ASPH: variants seen among roughly 807,000 people sequenced by gnomAD.
ASPH encodes aspartate beta-hydroxylase.
ASPH carries 100 observed loss-of-function variants against 118.4 expected under a neutral mutation model. The ratio of observed to expected loss-of-function variants is 0.84; its 90% CI spans 0.72 to 1.00. The LOEUF (loss-of-function observed/expected upper bound fraction) is 1.00, where lower values mean the gene tolerates loss of function less well. Among genes scored for constraint, ASPH ranks in the 50% least tolerant of loss-of-function variants. The pLI is 0.00. For missense variants in ASPH, 920 were observed against 919.5 expected, an observed-to-expected ratio of 1.00 and a Z score of -0.01; for synonymous variants, 315 against 325.6, an observed-to-expected ratio of 0.97 and a Z score of 0.35.
intron 10 of ASPH, among the ~76,000 whole-genome samples, chr8:61,640,561 T>A (rs1804656856): frequency 6.6e-6 from 1 of 152,246 alleles, no homozygotes; most frequent in Non-Finnish European, 1.5e-5. Flanking sequence ...AGGTAAGGTC[T>A]CTTGATTACA....
intron 14 of ASPH, among the ~76,000 whole-genome samples, chr8:61,587,963 A>G (rs192211193): frequency 2.0e-5 from 3 of 152,104 alleles, no homozygotes; most frequent in Admixed American, 1.3e-4. Flanking sequence ...TTTCTTACCC[A>G]TGGGTAAGAA....
At chr8:61,644,513 C>T in intron 7 of ASPH, 87 bp downstream of exon 7, 1 of 854,334 alleles carries the variant, frequency 1.2e-6, no homozygotes, top group Admixed American at 3.3e-5. Flanking sequence ...TTAAATATAT[C>T]ATTAATAATA....
chr8:61,687,343 C>T (rs1217422532), intron 1 of ASPH: 2 of 152,030 alleles, frequency 1.3e-5, no homozygotes, highest in Non-Finnish European at 2.9e-5. Flanking sequence ...ATGCATGCAC[C>T]AAAACAGCAA....
chr8:61,659,661 G>A (rs909143132), intron 3 of ASPH: 3 of 152,208 alleles, frequency 2.0e-5, no homozygotes, highest in African/African-American at 7.2e-5. Context: ...TAGGCAAATG[G>A]AGAAGAAAGG....
chr8:61,577,707 G>T (rs1390487749), intron 15 of ASPH, among the ~76,000 whole-genome samples: 1 of 152,190 alleles, frequency 6.6e-6, no homozygotes, highest in Non-Finnish European at 1.5e-5. Context: ...AGAGTGAGGA[G>T]CGAAGGGGGA....
intron 14 of ASPH, among the ~76,000 whole-genome samples, chr8:61,586,647 A>G (rs1839548512): frequency 6.6e-6 from 1 of 152,150 alleles, no homozygotes; most frequent in South Asian, 2.1e-4. Context: ...AACTACACGG[A>G]GAAGACCACT....
At chr8:61,631,555 T>C (rs574839045) in intron 13 of ASPH, 2 of 152,224 alleles carry the variant, frequency 1.3e-5, no homozygotes, top group Non-Finnish European at 2.9e-5. Context: ...CCTAGATGTG[T>C]AGTAGGCTAC....
intron 24 of ASPH, among the ~76,000 whole-genome samples, chr8:61,504,167 G>A (rs192271447): frequency 1.1e-4 from 17 of 152,242 alleles, no homozygotes; most frequent in East Asian, 5.8e-4. Context: ...TAGGGACTGC[G>A]ATCTAAATAT....
At chr8:61,513,129 T>A (rs1380387113) in intron 24 of ASPH, among the ~76,000 whole-genome samples, 1 of 152,214 alleles carries the variant, frequency 6.6e-6, no homozygotes, top group African/African-American at 2.4e-5. Flanking sequence ...AAGAACAATG[T>A]ACAAATTGCT....
intron 14 of ASPH, among the ~76,000 whole-genome samples, chr8:61,618,162 A>G (rs972038691): frequency 6.6e-6 from 1 of 152,168 alleles, no homozygotes; most frequent in African/African-American, 2.4e-5. Context: ...GTGAAATTAC[A>G]GCCAGAGGCC....
intron 14 of ASPH, among the ~76,000 whole-genome samples, chr8:61,618,313 A>G (rs1003167237): frequency 2.0e-5 from 3 of 152,206 alleles, no homozygotes; most frequent in African/African-American, 4.8e-5. Context: ...ATAATATTCA[A>G]TTATTAAAGA....
chr8:61,662,169 A>G (rs773137753), intron 3 of ASPH, among the ~76,000 whole-genome samples: 10 of 152,176 alleles, frequency 6.6e-5, no homozygotes, highest in Non-Finnish European at 1.5e-4. Context: ...TATTTTCACA[A>G]AATTGACTAT....
chr8:61,509,005 C>T lies in ASPH; in HGVS notation c.2127-5496G>A, dbSNP rs527933585. The stretch of plus-strand genomic sequence containing the variant: ...CAAAACGTAAAACTGCATTGTCACA[C>T]TTCTTCTTCTCTCTCTCCCCTTCTA... On this transcript the variant is annotated intron_variant, in intron 24 of 24. Coordinates refer to ENST00000379454, the MANE Select transcript of ASPH (RefSeq NM_004318.4). 2.4e-5 allele frequency among the ~76,000 whole-genome samples: 3 copies of T among 126,436 alleles called. No homozygotes were observed. The South Asian group carries it at 6.9e-4, about 29-fold the overall frequency. 82.9% of individuals were successfully genotyped at this position (126,436 alleles called of 152,430 possible).
intron 14 of ASPH, among the ~76,000 whole-genome samples, chr8:61,611,394 A>G (rs911331246): frequency 1.1e-4 from 16 of 152,324 alleles, no homozygotes; most frequent in Non-Finnish European, 1.9e-4. Context: ...TCATTTCTGC[A>G]ATATTCTTTC....
intron 21 of ASPH, among the ~76,000 whole-genome samples, chr8:61,528,578 G>A (rs1054106830): frequency 1.4e-5 from 2 of 147,358 alleles, no homozygotes; most frequent in African/African-American, 2.5e-5. Flanking sequence ...TGATTTAGGG[G>A]CATGGTTGGA....
In ASPH at chr8:61,663,693, G is replaced by A; in HGVS notation, c.323-10033C>T. On this transcript the variant is annotated intron_variant, in intron 3 of 24. Transcript: ENST00000379454. Reference sequence around the variant, plus strand: ...CAAAACATAAAACTCGAAGTTATCAGGTTACAATATCTTCAGGCCTTAATT... The same window carrying A: ...CAAAACATAAAACTCGAAGTTATCAAGTTACAATATCTTCAGGCCTTAATT... The A allele has an allele frequency of 4.1e-6, 4 of 979,760 alleles. No individual in the cohort carries two copies. The South Asian group carries it at 1.4e-4, about 35-fold the overall frequency. 60.7% of individuals were successfully genotyped at this position (979,760 alleles called of 1,614,324 possible).
At chr8:61,624,415 C>T in intron 13 of ASPH, 1 of 985,120 alleles carries the variant, frequency 1.0e-6, no homozygotes, top group South Asian at 4.7e-5. Flanking sequence ...GAAGGTATTC[C>T]TTTGTGATTT....
intron 1 of ASPH, among the ~76,000 whole-genome samples, chr8:61,700,486 A>T (rs1834976184): frequency 6.6e-6 from 1 of 152,246 alleles, no homozygotes; most frequent in South Asian, 2.1e-4. Context: ...GAGCAAACAG[A>T]TTAATCTATC....
intron 15 of ASPH, chr8:61,578,083 TA>T: frequency 1.0e-6 from 1 of 965,742 alleles, no homozygotes; most frequent in Non-Finnish European, 1.5e-6. Context: ...CAGTTACTTC[TA>T]AGATACAATG....
Sources: gnomAD v4.1 joint callset for allele counts (sites outside exome capture counted in the v4.1 genomes callset) on GRCh38, gnomAD v4.1.1 for gene constraint, MANE v1.5 for transcripts, NCBI Gene and HGNC (gene_info 2026-07-23, HGNC 2026-07-21) for gene names.